GALNT1: variants seen among roughly 807,000 people sequenced by gnomAD.
GALNT1 encodes the protein polypeptide N-acetylgalactosaminyltransferase 1, also known as GalNAc transferase 1.
GALNT1 carries 17 observed loss-of-function variants against 65.7 expected under a neutral mutation model. That is an observed-to-expected ratio of 0.26 (90% CI 0.18 to 0.39). The LOEUF is 0.39. Ranked by LOEUF, GALNT1 falls within the 10% of genes least tolerant of loss-of-function variation. The pLI is 1.00. For missense variants in GALNT1, 460 were observed against 672.8 expected (o/e 0.68, Z 3.50); for synonymous variants, 210 against 219.7 (o/e 0.96, Z 0.39).
chr18:35,664,082 A>G (rs2047512727), intron 3 of GALNT1: 1 of 364,274 alleles, frequency 2.7e-6, no homozygotes, highest in Non-Finnish European at 5.0e-6. Context: ...CACATACTCA[A>G]CTTTTTACAA....
At chr18:35,603,293 A>T (rs868839161) in intron 1 of GALNT1, among the ~76,000 whole-genome samples, 2 of 152,128 alleles carry the variant, frequency 1.3e-5, no homozygotes, top group Middle Eastern at 3.2e-3. Context: ...TGCAGTGCCT[A>T]GCAGATTGTG....
chr18:35,623,228 C>G (rs1381157338), intron 1 of GALNT1, among the ~76,000 whole-genome samples: 1 of 152,008 alleles, frequency 6.6e-6, no homozygotes, highest in African/African-American at 2.4e-5. Context: ...TTTAGCATTT[C>G]TTAATTTGTT....
At chr18:35,656,271 A>AT (rs571540298) in intron 2 of GALNT1, among the ~76,000 whole-genome samples, 4 of 151,498 alleles carry the variant, frequency 2.6e-5, no homozygotes, top group East Asian at 3.9e-4. Flanking sequence ...ATTCACTTGA[A>AT]TTTTTTTTGA....
intron 10 of GALNT1, among the ~76,000 whole-genome samples, chr18:35,703,286 C>G (rs1598812916): frequency 6.6e-6 from 1 of 151,998 alleles, no homozygotes; most frequent in Non-Finnish European, 1.5e-5. Flanking sequence ...ATACAGAGAG[C>G]TCAAGGTCAT....
chr18:35,624,946 A>C (rs1422888720), intron 1 of GALNT1, among the ~76,000 whole-genome samples: 1 of 152,252 alleles, frequency 6.6e-6, no homozygotes, highest in East Asian at 1.9e-4. Context: ...ATTAAGCCAC[A>C]TAAAGTTCCT....
chr18:35,641,276 C>T (rs1010435534), intron 1 of GALNT1, among the ~76,000 whole-genome samples: 55 of 152,068 alleles, frequency 3.6e-4, no homozygotes, highest in Admixed American at 3.6e-3. Context: ...GAAACCCTCT[C>T]TTTGCAAAAA....
At chr18:35,677,517 C>T in intron 3 of GALNT1, 74 bp from the exon 4 acceptor site, 1 of 1,198,328 alleles carries the variant, frequency 8.3e-7, no homozygotes, top group Admixed American at 2.3e-5. Context: ...TGTTCTATCA[C>T]CCTTCTAGTC....
At chr18:35,669,904 ATTAC>A (rs775955298) in intron 3 of GALNT1, among the ~76,000 whole-genome samples, 3 of 152,238 alleles carry the variant, frequency 2.0e-5, no homozygotes, top group Admixed American at 6.5e-5. Context: ...ATTAAAATTT[ATTAC>A]TTTAAGAAGT....
chr18:35,618,883 G>A (rs1429385458), intron 1 of GALNT1, among the ~76,000 whole-genome samples: 3 of 152,092 alleles, frequency 2.0e-5, no homozygotes, highest in African/African-American at 7.2e-5. Flanking sequence ...GAGACTACAG[G>A]GCAGACCGAG....
intron 1 of GALNT1, among the ~76,000 whole-genome samples, chr18:35,617,792 A>C (rs566248278): frequency 6.6e-6 from 1 of 152,310 alleles, no homozygotes; most frequent in East Asian, 1.9e-4. Flanking sequence ...GTGGTCCCTA[A>C]AGTGTCTTTT....
At chr18:35,668,528 G>A (rs1389742627) in intron 3 of GALNT1, among the ~76,000 whole-genome samples, 3 of 152,172 alleles carry the variant, frequency 2.0e-5, no homozygotes, top group East Asian at 3.9e-4. Context: ...GCAGACGTTT[G>A]AAAGATTATA....
chr18:35,674,039 G>GT (rs1286592500), intron 3 of GALNT1, among the ~76,000 whole-genome samples: 2 of 152,132 alleles, frequency 1.3e-5, no homozygotes, highest in Non-Finnish European at 2.9e-5. Context: ...GTACAATAGT[G>GT]TTTGTGTATC....
chr18:35,701,399 T>C (rs535205793), intron 9 of GALNT1, among the ~76,000 whole-genome samples: 1 of 152,314 alleles, frequency 6.6e-6, no homozygotes, highest in African/African-American at 2.4e-5. Context: ...TCAAGTGAGA[T>C]AGCCATCATC....
chr18:35,616,021 G>A (rs188505806), intron 1 of GALNT1, among the ~76,000 whole-genome samples: 94 of 152,262 alleles, frequency 6.2e-4, no homozygotes, highest in African/African-American at 2.0e-3. Context: ...GAGAGTGGCT[G>A]CATTCCCATA....
At chr18:35,581,553 G>A (rs1454728983), upstream of GALNT1, among the ~76,000 whole-genome samples, 11 of 17,262 alleles carry the variant, frequency 6.4e-4, no homozygotes, top group African/African-American at 2.4e-3. Flanking sequence ...TGCGGCGCCC[G>A]CCGCGCGACG....
intron 9 of GALNT1, 21 bp downstream of exon 9, chr18:35,692,341 TA>T: frequency 4.2e-6 from 6 of 1,418,628 alleles, no homozygotes; most frequent in Non-Finnish European, 5.7e-6. Flanking sequence ...TATATATATA[TA>T]TTCTATGTGG....
chr18:35,591,317 T>C (rs1025442939), intron 1 of GALNT1, among the ~76,000 whole-genome samples: 1 of 152,168 alleles, frequency 6.6e-6, no homozygotes, highest in Non-Finnish European at 1.5e-5. Flanking sequence ...GTGGTAATAG[T>C]AAGTTGGTTC....
Position 35,710,230 on chromosome 18 carries a change from GAAC to G in GALNT1, c.*461_*463del, listed in dbSNP as rs2048332151. ...TATTGATATAAAAATAAAAGAACTG[GAAC>G]CAGATTCAGAATCATGAAAACAACA... On this transcript the variant is annotated 3_prime_UTR_variant, in exon 12 of 12. Transcript: ENST00000269195. 6.5e-6 allele frequency: 1 copy of G among 153,018 alleles called. No homozygotes were observed. The highest frequency in any genetic ancestry group is 2.4e-5 in the African/African-American group (1 of 41,344). The allele number at this position is 153,018 out of a possible 1,614,324, so 9.5% of individuals were successfully genotyped here.
chr18:35,661,499 T>TAA (rs79423265), intron 2 of GALNT1, among the ~76,000 whole-genome samples: 1 of 141,078 alleles, frequency 7.1e-6, no homozygotes, highest in Non-Finnish European at 1.5e-5. Flanking sequence ...GACTCTGTCT[T>TAA]AAAAAAAAAA....
Sources: gnomAD v4.1 joint callset for allele counts (sites outside exome capture counted in the v4.1 genomes callset) on GRCh38, gnomAD v4.1.1 for gene constraint, MANE v1.5 for transcripts, NCBI Gene and HGNC (gene_info 2026-07-23, HGNC 2026-07-21) for gene names.